TACC1: variants seen among roughly 807,000 people sequenced by gnomAD.
The protein encoded by TACC1 is transforming acidic coiled-coil containing protein 1.
TACC1 carries 48 observed loss-of-function variants against 84.4 expected under a neutral mutation model. That is an observed-to-expected ratio of 0.57 (90% CI 0.45 to 0.72). The LOEUF (loss-of-function observed/expected upper bound fraction) is 0.72. Ranked by LOEUF, TACC1 falls within the 30% of genes least tolerant of loss-of-function variation. The pLI is 0.00. For missense variants in TACC1, 920 were observed against 973.0 expected, an observed-to-expected ratio of 0.95 and a Z score of 0.72; for synonymous variants, 372 against 376.3, an observed-to-expected ratio of 0.99 and a Z score of 0.13.
intron 3 of TACC1, chr8:38,823,963 C>T (rs1827461023): frequency 1.5e-6 from 2 of 1,350,264 alleles, no homozygotes; most frequent in Non-Finnish European, 2.0e-6. Context: ...TGTCTCTTTC[C>T]TGTCTCTAAT....
At chr8:38,749,729 T>G (rs1403984385) in intron 3 of TACC1, among the ~76,000 whole-genome samples, 2 of 152,084 alleles carry the variant, frequency 1.3e-5, no homozygotes, top group Non-Finnish European at 2.9e-5. Context: ...GTAGCTGGGA[T>G]TACAGGCACG....
At chr8:38,788,849 G>C (rs993458349) in intron 2 of TACC1, 30 bp downstream of exon 2, 2 of 1,538,258 alleles carry the variant, frequency 1.3e-6, no homozygotes, top group Non-Finnish European at 1.8e-6. Context: ...TTTCCTGCCT[G>C]TTTTGTTTCA....
At chr8:38,762,019 A>G (rs746731329) in intron 3 of TACC1, among the ~76,000 whole-genome samples, 3 of 152,198 alleles carry the variant, frequency 2.0e-5, no homozygotes, top group Non-Finnish European at 4.4e-5. Context: ...CTGAATTTAG[A>G]TATTGCAACT....
At chr8:38,831,831 A>C (rs60718117) in intron 6 of TACC1, among the ~76,000 whole-genome samples, 1,603 of 143,500 alleles carry the variant, frequency 0.011, 39 homozygotes, top group African/African-American at 0.04. Flanking sequence ...TTTGAGACAG[A>C]GTTTCACTCT....
upstream of TACC1, chr8:38,785,806 A>T (rs1817025208): frequency 1.3e-6 from 1 of 743,106 alleles, no homozygotes; most frequent in African/African-American, 1.9e-5. Flanking sequence ...CCTCCTGCCT[A>T]GTTCACTTCT....
At chr8:38,755,129 C>T (rs1230396012) in intron 3 of TACC1, among the ~76,000 whole-genome samples, 2 of 143,198 alleles carry the variant, frequency 1.4e-5, no homozygotes, top group Non-Finnish European at 3.0e-5. Flanking sequence ...CACTGCACTC[C>T]AGCCTGGGCA....
chr8:38,831,192 G>A lies in TACC1; in HGVS notation c.1713+15G>A, dbSNP rs766986043. ...CCACTGTGCTTGTAAGTTCCTGAATGTGGAGGGCCGGGTGGACTCAGGTTT... is the reference window on the plus strand; with the variant it reads ...CCACTGTGCTTGTAAGTTCCTGAATATGGAGGGCCGGGTGGACTCAGGTTT... On this transcript the variant is annotated intron_variant, in intron 6 of 12. Coordinates refer to ENST00000317827, the MANE Select transcript of TACC1 (RefSeq NM_006283.3). The A allele has an allele frequency of 1.2e-6, 2 of 1,614,048 alleles. No homozygotes were observed. Among genetic ancestry groups the A allele is most frequent in the South Asian group, 1.1e-5 (1 of 91,080 alleles).
chr8:38,837,241 C>T (rs1830408932), intron 7 of TACC1, among the ~76,000 whole-genome samples: 1 of 145,640 alleles, frequency 6.9e-6, no homozygotes, highest in Non-Finnish European at 1.5e-5. Flanking sequence ...GTGGAGAAAC[C>T]CCATCTCTAC....
chr8:38,760,875 G>C (rs1811079648), intron 3 of TACC1, among the ~76,000 whole-genome samples: 1 of 152,190 alleles, frequency 6.6e-6, no homozygotes, highest in African/African-American at 2.4e-5. Context: ...CCAGCACTTA[G>C]TGAGTGTGCA....
At chr8:38,788,495 C>T in intron 1 of TACC1, 1 of 482,850 alleles carries the variant, frequency 2.1e-6, no homozygotes, top group Non-Finnish European at 3.7e-6. Context: ...GAGGAGCTTT[C>T]AGAGAGACAG....
chr8:38,773,216 C>T (rs1814015218), intron 3 of TACC1, among the ~76,000 whole-genome samples: 2 of 151,798 alleles, frequency 1.3e-5, no homozygotes, highest in South Asian at 2.1e-4. Context: ...ATTCTAGCTA[C>T]TCAGGAAGCT....
intron 1 of TACC1, among the ~76,000 whole-genome samples, chr8:38,733,811 C>T (rs1170525028): frequency 6.6e-6 from 1 of 152,118 alleles, no homozygotes; most frequent in East Asian, 1.9e-4. Flanking sequence ...ACGGGACAAC[C>T]TTAAAACGCA....
intron 3 of TACC1, chr8:38,823,925 CTT>C (rs962050931): frequency 2.0e-5 from 24 of 1,211,880 alleles, no homozygotes; most frequent in Non-Finnish European, 2.6e-5. Context: ...ATATTCCAGT[CTT>C]TACATGATTT....
intron 3 of TACC1, among the ~76,000 whole-genome samples, chr8:38,763,366 G>A (rs1346960447): frequency 6.6e-6 from 1 of 151,946 alleles, no homozygotes; most frequent in Admixed American, 6.6e-5. Context: ...TATTGCCCAG[G>A]ATATAGTCTC....
chr8:38,809,283 A>C (rs1823508330), intron 2 of TACC1, among the ~76,000 whole-genome samples: 1 of 152,180 alleles, frequency 6.6e-6, no homozygotes, highest in South Asian at 2.1e-4. Flanking sequence ...GCCATCTCAT[A>C]CAGTACTACC....
intron 2 of TACC1, among the ~76,000 whole-genome samples, chr8:38,808,133 G>A (rs60089561): frequency 0.012 from 1,862 of 152,326 alleles, 40 homozygotes; most frequent in African/African-American, 0.043. Context: ...GCAATGCTGT[G>A]CTTGTCAGAA....
At chr8:38,840,348 T>C (rs1831012743) in intron 9 of TACC1, 81 bp downstream of exon 9, 1 of 1,263,676 alleles carries the variant, frequency 7.9e-7, no homozygotes, top group Non-Finnish European at 1.1e-6. Context: ...ACAAAATATG[T>C]AAGCTAGGTA....
intron 5 of TACC1, among the ~76,000 whole-genome samples, chr8:38,828,714 GC>G (rs919952849): frequency 2.0e-5 from 3 of 152,186 alleles, no homozygotes; most frequent in South Asian, 4.1e-4. Flanking sequence ...AGGAAAGGGG[GC>G]AGGAGAGGGG....
chr8:38,799,277 A>G (rs918213414), intron 2 of TACC1, among the ~76,000 whole-genome samples: 2 of 152,224 alleles, frequency 1.3e-5, no homozygotes, highest in Non-Finnish European at 2.9e-5. Flanking sequence ...TCACTGAACA[A>G]TTAGCTAGGC....
Sources: allele counts gnomAD v4.1 joint callset (sites outside exome capture counted in the v4.1 genomes callset), GRCh38; gene constraint gnomAD v4.1.1; transcripts MANE v1.5; gene names NCBI Gene and HGNC (gene_info 2026-07-23, HGNC 2026-07-21).